Variants in SEZ6L2 observed in about 807,000 individuals in gnomAD.
SEZ6L2 encodes the protein seizure related 6 homolog like 2.
Under a neutral mutation model 97.0 loss-of-function variants are expected in SEZ6L2, and 44 were observed. That is an observed-to-expected ratio of 0.45 (90% CI 0.36 to 0.58). The LOEUF (loss-of-function observed/expected upper bound fraction) is 0.58, where lower values mean the gene tolerates loss of function less well. Among genes scored for constraint, SEZ6L2 ranks in the 20% least tolerant of loss-of-function variants. The pLI is 0.00. For missense variants in SEZ6L2, 1,086 were observed against 1,233.3 expected, an observed-to-expected ratio of 0.88 and a Z score of 1.79; for synonymous variants, 543 against 546.1, an observed-to-expected ratio of 0.99 and a Z score of 0.08.
rs2150785913 is a variant in SEZ6L2, at chr16:29,878,394, A to G, written c.1605T>C (p.Ala535=). 1 of 1,607,024 alleles carries G rather than the reference A, an allele frequency of 6.2e-7. No homozygotes were observed. Among genetic ancestry groups the G allele is most frequent in the East Asian group, 2.2e-5 (1 of 44,692 alleles). ...GCCAGTCGGGAGAGAGGACCACGCC[A>G]GCTGGTTCCGACAGCTCCCCTCCAC... ...AMCGGELSEP[A]GVVLSPDWPQ... is the part of the protein sequence containing the mutation. The change falls in exon 10 of 18, where the codon GCT becomes GCC. Residue 535 remains alanine, a synonymous_variant. Transcript: ENST00000617533.
Position 29,873,448 on chromosome 16 carries a change from AG to A in SEZ6L2, c.2297-18del, listed in dbSNP as rs751420081. On this transcript the variant is annotated intron_variant, in intron 13 of 17. Coordinates refer to ENST00000617533, the MANE Select transcript of SEZ6L2 (RefSeq NM_001243332.2). This position sits in a 1 kb window ranked among gnomAD's most constrained non-coding sequence, Gnocchi z 4.3. ...CGTACTTCACTGCGGGGAGCATGCC[AG>A]TCACGTGCCAGCTGCACTACTGTGC... The A allele has an allele frequency of 3.8e-5, 62 of 1,614,034 alleles. No individual in the cohort carries two copies. In the South Asian group the frequency reaches 4.6e-4, roughly 12 times the overall value.
intron 1 of SEZ6L2, among the ~76,000 whole-genome samples, chr16:29,898,613 C>T (rs2068459679): frequency 6.6e-6 from 1 of 152,148 alleles, no homozygotes; most frequent in South Asian, 2.1e-4. Flanking sequence ...CGCCTGGCAT[C>T]TCTCTCAGCA....
At position 29,876,761 on chromosome 16, in the gene SEZ6L2, TG is replaced by T; in HGVS notation, c.2098del (p.Gln700LysfsTer4). On this transcript the variant is annotated frameshift_variant, in exon 12 of 18. Coordinates refer to ENST00000617533, the MANE Select transcript of SEZ6L2 (RefSeq NM_001243332.2). LOFTEE classifies it high-confidence loss of function. The surrounding 1 kb of genome is among the most constrained non-coding windows in gnomAD (Gnocchi z 6.5). ...LSWSAAPPAC[Q>X]KIMTCADPGE... is the part of the protein sequence containing the mutation. ...CGCGGGCGGGGCCGGCTCACTCTTT[TG>T]GCAGGCGGGCGGCGCGGCGCTCCAA... 1 of 1,548,768 alleles carries T rather than the reference TG, an allele frequency of 6.5e-7. No homozygotes were observed. Among genetic ancestry groups the T allele is most frequent in the Non-Finnish European group, 8.7e-7 (1 of 1,145,242 alleles).
chr16:29,895,178 C>CAA (rs55954869), intron 5 of SEZ6L2, 81 bp downstream of exon 5: 241 of 568,260 alleles, frequency 4.2e-4, no homozygotes, highest in East Asian at 8.0e-4. Flanking sequence ...GACTCTGTCT[C>CAA]AAAAAAAAAA....
intron 6 of SEZ6L2, among the ~76,000 whole-genome samples, chr16:29,888,331 G>C (rs894234112): frequency 1.3e-5 from 2 of 152,112 alleles, no homozygotes; most frequent in Non-Finnish European, 2.9e-5. Flanking sequence ...CCCCGAGATG[G>C]AGACCACCCA....
chr16:29,892,684 A>C (rs773992433), intron 5 of SEZ6L2, among the ~76,000 whole-genome samples: 28 of 152,234 alleles, frequency 1.8e-4, no homozygotes, highest in Admixed American at 3.9e-4. Flanking sequence ...CAGAGCTTTC[A>C]AGGAGGGCAG....
chr16:29,878,686 G>A (rs1295470647), intron 9 of SEZ6L2, among the ~76,000 whole-genome samples: 9 of 151,170 alleles, frequency 6.0e-5, no homozygotes, highest in South Asian at 2.1e-4. Context: ...CCTGGTTCAC[G>A]CCATTCTCCT....
intron 8 of SEZ6L2, among the ~76,000 whole-genome samples, chr16:29,881,215 A>G (rs1188905085): frequency 6.6e-6 from 1 of 152,150 alleles, no homozygotes; most frequent in African/African-American, 2.4e-5. Flanking sequence ...GCCAAATCCC[A>G]GCCACCATTC....
At position 29,873,426 on chromosome 16, in the gene SEZ6L2, A is replaced by G. The variant is rs745799776; in HGVS notation, c.2302T>C (p.Tyr768His). 83 of 1,614,080 alleles carry G rather than the reference A, an allele frequency of 5.1e-5. No homozygotes were observed. The highest frequency in any genetic ancestry group is 6.8e-5 in the Non-Finnish European group (80 of 1,180,024). The change falls in exon 14 of 18, where the codon TAC (tyrosine) becomes CAC (histidine). Residue 768 changes from tyrosine to histidine, a missense_variant. Coordinates refer to ENST00000617533, the MANE Select transcript of SEZ6L2 (RefSeq NM_001243332.2). The surrounding 1 kb of genome is among the most constrained non-coding windows in gnomAD (Gnocchi z 4.3). ...ACCCCCGGGTTCAGGCACGGCTCGT[A>G]CTTCACTGCGGGGAGCATGCCAGTC... ...SDRVPKCALK[Y>H]EPCLNPGVPE...
Position 29,880,413 on chromosome 16 carries a change from C to T in SEZ6L2, c.1373-349G>A, listed in dbSNP as rs574792384. On this transcript the variant is annotated intron_variant, in intron 8 of 17. Coordinates refer to ENST00000617533, the MANE Select transcript of SEZ6L2 (RefSeq NM_001243332.2). ...CAATCTTGGCTCACCGCAACCTCCGCCTCCTGGGTTCAAGCGATTCTCCTG... is the reference window on the plus strand; with the variant it reads ...CAATCTTGGCTCACCGCAACCTCCGTCTCCTGGGTTCAAGCGATTCTCCTG... 5.3e-5 allele frequency among the ~76,000 whole-genome samples: 8 copies of T among 151,900 alleles called. No individual in the cohort carries two copies. The South Asian group carries it at 1.7e-3, about 32-fold the overall frequency.
chr16:29,879,126 C>T (rs1399423475), intron 9 of SEZ6L2, among the ~76,000 whole-genome samples: 1 of 151,734 alleles, frequency 6.6e-6, no homozygotes, highest in Non-Finnish European at 1.5e-5. Context: ...TGGTCTCCAA[C>T]TCCTGACCTC....
At chr16:29,882,996 C>CT (rs1251600065) in intron 8 of SEZ6L2, among the ~76,000 whole-genome samples, 1 of 152,224 alleles carries the variant, frequency 6.6e-6, no homozygotes, top group Non-Finnish European at 1.5e-5. Context: ...GCTGTTTGCA[C>CT]TTTAACACTC....
chr16:29,883,667 C>G (rs1044984624), intron 8 of SEZ6L2, among the ~76,000 whole-genome samples: 1 of 152,106 alleles, frequency 6.6e-6, no homozygotes, highest in Non-Finnish European at 1.5e-5. Context: ...CAGGGTGGCT[C>G]ACGCCTGTAA....
Position 29,899,226 on chromosome 16 carries a change from T to C in SEZ6L2, c.-207A>G. 1 of 552,214 alleles carries C rather than the reference T, an allele frequency of 1.8e-6. No homozygotes were observed. The highest frequency in any genetic ancestry group is 3.2e-6 in the Non-Finnish European group (1 of 314,102). 34.2% of individuals were successfully genotyped at this position (552,214 alleles called of 1,614,324 possible). A position where few individuals can be genotyped will look rare whatever the true frequency, so the allele number is the denominator to read the frequency against. On this transcript the variant is annotated 5_prime_UTR_variant, in exon 1 of 18. Coordinates refer to ENST00000617533, the MANE Select transcript of SEZ6L2 (RefSeq NM_001243332.2). Reference sequence around the variant, plus strand: ...GGGTCGCCTGGAGCCCACCCCCCTTTGCTCAGTCTCCTCTGTCCTCTTCTC... The same window carrying C: ...GGGTCGCCTGGAGCCCACCCCCCTTCGCTCAGTCTCCTCTGTCCTCTTCTC...
At chr16:29,897,331 G>T (rs987006934) in intron 2 of SEZ6L2, among the ~76,000 whole-genome samples, 1 of 144,394 alleles carries the variant, frequency 6.9e-6, no homozygotes, top group Non-Finnish European at 1.5e-5. Flanking sequence ...TTCTCTTCTG[G>T]TCCCTTCTCT....
intron 10 of SEZ6L2, 23 bp from the exon 11 acceptor site, chr16:29,877,490 A>T: frequency 6.4e-7 from 1 of 1,560,946 alleles, no homozygotes; most frequent in Admixed American, 1.8e-5. Flanking sequence ...AGACCAGGCA[A>T]TGGGGCGGGG....
rs200315365 is a variant in SEZ6L2 at position 29,897,071 on chromosome 16, C to A, written c.262G>T (p.Ala88Ser). The change falls in exon 3 of 18, where the codon GCA (alanine) becomes TCA (serine). Residue 88 changes from alanine (A) to serine (S), a missense_variant. By Grantham distance (99) the Ala-to-Ser change is moderately conservative. Around this residue, in one of 2 missense-constraint regions of SEZ6L2, gnomAD observed 776 missense variants for 794.7 expected, o/e 0.98. Coordinates refer to ENST00000617533, the MANE Select transcript of SEZ6L2 (RefSeq NM_001243332.2). ...LATPPAGQTLAVPSLPRATEP... is the reference protein window; with the variant it reads ...LATPPAGQTLSVPSLPRATEP... ...GTGGCCCGTGGCAGGGAGGGCACTG[C>A]GAGAGTCTGGCCGGCCGGAGGGGTG... The A allele has an allele frequency of 5.2e-4, 815 of 1,580,886 alleles. No individual in the cohort carries two copies. The highest frequency in any genetic ancestry group is 6.3e-4 in the Non-Finnish European group (734 of 1,171,408).
At chr16:29,884,262 G>T (rs1163958900) in intron 8 of SEZ6L2, among the ~76,000 whole-genome samples, 2 of 152,112 alleles carry the variant, frequency 1.3e-5, no homozygotes, top group Non-Finnish European at 2.9e-5. Context: ...GAGCTCTCAG[G>T]AAATATATGA....
Position 29,897,831 on chromosome 16 carries a change from C to T in SEZ6L2, c.211+22G>A, listed in dbSNP as rs745333202. The stretch of plus-strand genomic sequence containing the variant: ...TCCCTCCCTCTGCCTCTAGGCCACT[C>T]CTGCCACTCTGGGGGCCTCACCTGG... On this transcript the variant is annotated intron_variant, in intron 2 of 17. Transcript: ENST00000617533. 17 of 1,588,946 alleles carry T rather than the reference C, an allele frequency of 1.1e-5. No individual in the cohort carries two copies. In the South Asian group the frequency reaches 1.7e-4, roughly 16 times the overall value.
Sources: allele counts gnomAD v4.1 joint callset (sites outside exome capture counted in the v4.1 genomes callset), GRCh38; gene constraint gnomAD v4.1.1; regional missense constraint gnomAD v4.1.1; non-coding constraint Gnocchi (gnomAD v3.1); transcripts MANE v1.5; gene names NCBI Gene and HGNC (gene_info 2026-07-23, HGNC 2026-07-21).